The following CHRND variants were observed in gnomAD, a reference collection of about 807,000 sequenced individuals.
CHRND encodes acetylcholine receptor subunit delta.
Under a neutral mutation model 57.8 loss-of-function variants are expected in CHRND, and 40 were observed. That is an observed-to-expected ratio of 0.69 (90% CI 0.54 to 0.90). The LOEUF (loss-of-function observed/expected upper bound fraction) is 0.90. Ranked by LOEUF, CHRND falls within the 40% of genes least tolerant of loss-of-function variation. The pLI is 0.00. For synonymous variants in CHRND, 237 were observed against 270.6 expected (o/e 0.88, Z 1.22); for missense variants, 634 against 673.9 (o/e 0.94, Z 0.66).
At chr2:232,526,377 G>A (rs1047699815) in intron 1 of CHRND, 110 bp downstream of exon 1, 9 of 1,513,534 alleles carry the variant, frequency 5.9e-6, no homozygotes, top group Non-Finnish European at 8.1e-6. Flanking sequence ...TCTCCCTGTG[G>A]GGGGCCGCCT....
At chr2:232,532,967 C>T (rs1007236115) in intron 9 of CHRND, among the ~76,000 whole-genome samples, 17 of 152,190 alleles carry the variant, frequency 1.1e-4, no homozygotes, top group Admixed American at 9.2e-4. Context: ...CCTTGCCTCT[C>T]GGCTGCTGCA....
Position 232,528,526 on chromosome 2 carries a change from T to C in CHRND, c.379T>C (p.Tyr127His). 6.2e-7 allele frequency: 1 copy of C among 1,614,156 alleles called. No individual in the cohort carries two copies. The highest frequency in any genetic ancestry group is 2.2e-5 in the East Asian group (1 of 44,874). The change falls in exon 5 of 12, where the codon TAC (tyrosine) becomes CAC (histidine). Residue 127 changes from tyrosine to histidine, a missense_variant. Tyr to His is a moderately conservative substitution (Grantham distance 83, BLOSUM62 2). Transcript: ENST00000258385. ...NNNDGSFQIS[Y>H]SCNVLVYHYG... The stretch of plus-strand genomic sequence containing the variant: ...CAATGACGGCTCCTTCCAGATCTCC[T>C]ACTCCTGCAACGTGCTTGTCTACCA...
chr2:232,526,632 G>A lies in CHRND; in HGVS notation c.156G>A (p.Val52=). Residue 52 remains valine (V), a synonymous_variant, in exon 2 of 12, where the codon GTG becomes GTA. Coordinates refer to ENST00000258385, the MANE Select transcript of CHRND (RefSeq NM_000751.3). The part of the protein sequence containing the change: ...LRPVAHKEES[V]DVALALTLSN... Reference sequence around the variant, plus strand: ...CCGTGGCACACAAAGAGGAGAGTGTGGACGTTGCCCTGGCCCTCACACTCT... The same window carrying A: ...CCGTGGCACACAAAGAGGAGAGTGTAGACGTTGCCCTGGCCCTCACACTCT... 1 of 1,613,742 alleles carries A rather than the reference G, an allele frequency of 6.2e-7. No individual in the cohort carries two copies. The highest frequency in any genetic ancestry group is 1.1e-5 in the South Asian group (1 of 91,080).
chr2:232,528,309 C>A lies in CHRND; in HGVS notation c.291C>A (p.Asn97Lys). The A allele has an allele frequency of 6.2e-7, 1 of 1,614,178 alleles. No individual in the cohort carries two copies. Among genetic ancestry groups the A allele is most frequent in the Non-Finnish European group, 8.5e-7 (1 of 1,180,030 alleles). The change falls in exon 4 of 12, where the codon AAC (asparagine) becomes AAA (lysine). Residue 97 changes from asparagine to lysine, a missense_variant. Asn to Lys is a moderately conservative substitution (Grantham distance 94). Coordinates refer to ENST00000258385, the MANE Select transcript of CHRND (RefSeq NM_000751.3). ...RLKWNAEEFG[N>K]ISVLRLPPDM... ...AGTGGAATGCTGAAGAATTTGGAAA[C>A]ATCAGTGTCCTGCGCCTCCCCCCGG... is the stretch of plus-strand genomic sequence containing the variant.
chr2:232,528,265 T>C lies in CHRND; in HGVS notation c.247T>C (p.Trp83Arg), dbSNP rs1398471764. 1 of 1,614,052 alleles carries C rather than the reference T, an allele frequency of 6.2e-7. No homozygotes were observed. Among genetic ancestry groups the C allele is most frequent in the African/African-American group, 1.3e-5 (1 of 74,914 alleles). The change falls in exon 4 of 12, where the codon TGG (tryptophan) becomes CGG (arginine). Residue 83 changes from tryptophan (W) to arginine (R), a missense_variant. Trp to Arg is a moderately radical substitution (Grantham distance 101). Transcript: ENST00000258385. Reference sequence around the variant, plus strand: ...TGACATGCCTTTGGGATTCCAGGGCTGGACAGACAACCGGCTGAAGTGGAA... The same window carrying C: ...TGACATGCCTTTGGGATTCCAGGGCCGGACAGACAACCGGCTGAAGTGGAA... ...LTTNVWIEHG[W>R]TDNRLKWNAE...
chr2:232,526,663 C>A lies in CHRND; in HGVS notation c.187C>A (p.Leu63Ile), dbSNP rs2106206284. 3 of 1,613,568 alleles carry A rather than the reference C, an allele frequency of 1.9e-6. No individual in the cohort carries two copies. Among genetic ancestry groups the A allele is most frequent in the Non-Finnish European group, 2.5e-6 (3 of 1,179,976 alleles). The change falls in exon 2 of 12, where the codon CTC (leucine) becomes ATC (isoleucine). Residue 63 changes from leucine (L) to isoleucine (I), a missense_variant. Physicochemically the swap from Leu to Ile is conservative, Grantham distance 5. Coordinates refer to ENST00000258385, the MANE Select transcript of CHRND (RefSeq NM_000751.3). ...TGCCCTGGCCCTCACACTCTCCAACCTCATCTCCCTGGTGAGAGGCCCTCC... is the reference window on the plus strand; with the variant it reads ...TGCCCTGGCCCTCACACTCTCCAACATCATCTCCCTGGTGAGAGGCCCTCC... ...DVALALTLSN[L>I]ISLKEVEETL...
At chr2:232,533,864 A>G in intron 9 of CHRND, 67 bp from the exon 10 acceptor site, 1 of 1,526,932 alleles carries the variant, frequency 6.5e-7, no homozygotes, top group African/African-American at 1.4e-5. Context: ...TGACAGAATG[A>G]GACTCCGTCT....
At chr2:232,528,450 G>C (rs1241553585) in intron 4 of CHRND, 51 bp from the exon 5 acceptor site, 1 of 1,613,796 alleles carries the variant, frequency 6.2e-7, no homozygotes, top group Non-Finnish European at 8.5e-7. Context: ...CCCCAACTCT[G>C]CCAGTCGTGA....
At chr2:232,532,901 G>C (rs2106213284) in intron 9 of CHRND, among the ~76,000 whole-genome samples, 1 of 152,294 alleles carries the variant, frequency 6.6e-6, no homozygotes, top group Middle Eastern at 3.4e-3. Flanking sequence ...ACTGTATGCT[G>C]CAACTCAGAA....
rs763203542 is a variant in CHRND, at chr2:232,528,940, G to A, written c.588G>A (p.Glu196=). The change falls in exon 6 of 12, where the codon GAG becomes GAA. Residue 196 remains glutamate (E), a synonymous_variant. Coordinates refer to ENST00000258385, the MANE Select transcript of CHRND (RefSeq NM_000751.3). Reference sequence around the variant, plus strand: ...AGGAGAACCGCACCTACCCCGTGGAGTGGATCATCATTGATCCTGAAGGCT... The same window carrying A: ...AGGAGAACCGCACCTACCCCGTGGAATGGATCATCATTGATCCTGAAGGCT... The part of the protein sequence containing the change: ...DAKENRTYPV[E]WIIIDPEGFT... 1 of 1,614,128 alleles carries A rather than the reference G, an allele frequency of 6.2e-7. No individual in the cohort carries two copies. The highest frequency in any genetic ancestry group is 8.5e-7 in the Non-Finnish European group (1 of 1,180,020).
chr2:232,529,674 C>G (rs565028117), intron 6 of CHRND, among the ~76,000 whole-genome samples: 1 of 152,176 alleles, frequency 6.6e-6, no homozygotes, highest in African/African-American at 2.4e-5. Context: ...CCAAAAGATA[C>G]TCCTTATTTG....
chr2:232,531,324 A>C, intron 7 of CHRND, 28 bp from the exon 8 acceptor site: 1 of 1,512,602 alleles, frequency 6.6e-7, no homozygotes, highest in Non-Finnish European at 9.1e-7. Context: ...CGGTGCCCCA[A>C]GGTCACAGCT....
At chr2:232,529,772 C>T (rs1402094995) in intron 6 of CHRND, among the ~76,000 whole-genome samples, 167 bp from the exon 7 acceptor site, 7 of 152,292 alleles carry the variant, frequency 4.6e-5, no homozygotes, top group African/African-American at 1.7e-4. Context: ...CAGATGGAAA[C>T]TTCCATCCCG....
At chr2:232,528,772 C>CCCCACAATGGTCCTCCCTTACCAGCCCTT in intron 5 of CHRND, 90 bp from the exon 6 acceptor site, 1 of 1,577,392 alleles carries the variant, frequency 6.3e-7, no homozygotes, top group South Asian at 1.1e-5. Flanking sequence ...GTGCTGCCCT[C>CCCCACAATGGTCCTCCCTTACCAGCCCTT]CCCACAATGG....
intron 9 of CHRND, among the ~76,000 whole-genome samples, chr2:232,532,578 C>A (rs1359749476): frequency 6.6e-6 from 1 of 152,146 alleles, no homozygotes; most frequent in East Asian, 1.9e-4. Flanking sequence ...GCCGCTCAGC[C>A]GTGCAGAAGC....
Position 232,528,542 on chromosome 2 carries a change from T to G in CHRND, c.395T>G (p.Leu132Arg). Reference sequence around the variant, plus strand: ...CAGATCTCCTACTCCTGCAACGTGCTTGTCTACCACTACGGCTTCGTGTAC... The same window carrying G: ...CAGATCTCCTACTCCTGCAACGTGCGTGTCTACCACTACGGCTTCGTGTAC... ...SFQISYSCNV[L>R]VYHYGFVYWL... is the part of the protein sequence containing the mutation. The change falls in exon 5 of 12, where the codon CTT (leucine) becomes CGT (arginine). Residue 132 changes from leucine to arginine, a missense_variant. Leu to Arg is a moderately radical substitution (Grantham distance 102). Transcript: ENST00000258385. The G allele has an allele frequency of 1.2e-6, 2 of 1,614,168 alleles. No homozygotes were observed. The highest frequency in any genetic ancestry group is 1.7e-6 in the Non-Finnish European group (2 of 1,180,032).
rs1312097140 is a variant in CHRND at position 232,535,135 on chromosome 2, A to G, written c.1377A>G (p.Lys459=). ...MRDQNNYNEE[K]DSWNRVARTV... is the part of the protein sequence containing the mutation. ...CTCTCTGCCCCTACCCACAGGAGAA[A>G]GACAGCTGGAACCGAGTGGCCCGCA... Residue 459 remains lysine (K), a synonymous_variant, in exon 12 of 12, where the codon AAA becomes AAG. Transcript: ENST00000258385. The G allele has an allele frequency of 6.2e-7, 1 of 1,614,092 alleles. No individual in the cohort carries two copies. The highest frequency in any genetic ancestry group is 8.5e-7 in the Non-Finnish European group (1 of 1,180,002).
intron 2 of CHRND, among the ~76,000 whole-genome samples, 166 bp downstream of exon 2, chr2:232,526,840 T>C (rs541691498): frequency 2.0e-5 from 3 of 152,222 alleles, no homozygotes; most frequent in African/African-American, 7.2e-5. Flanking sequence ...GTCCTGCCCC[T>C]CCAGTGTCAG....
Position 232,528,431 on chromosome 2 carries a change from C to G in CHRND, c.353+60C>G, listed in dbSNP as rs1691562222. On this transcript the variant is annotated intron_variant, in intron 4 of 11. Transcript: ENST00000258385. ...ACCCTGCCTCCTTTCCTTAAGCCTCCTCTGCCTCCCCCAACTCTGCCAGTC... is the reference window on the plus strand; with the variant it reads ...ACCCTGCCTCCTTTCCTTAAGCCTCGTCTGCCTCCCCCAACTCTGCCAGTC... The G allele has an allele frequency of 1.2e-5, 20 of 1,613,718 alleles. No individual in the cohort carries two copies. In the South Asian group the frequency reaches 1.8e-4, roughly 14 times the overall value.
Sources: gnomAD v4.1 joint callset for allele counts (sites outside exome capture counted in the v4.1 genomes callset) on GRCh38, gnomAD v4.1.1 for gene constraint, MANE v1.5 for transcripts, NCBI Gene and HGNC (gene_info 2026-07-23, HGNC 2026-07-21) for gene names.